The following DMXL1 variants were observed in gnomAD, a reference collection of about 807,000 sequenced individuals.
DMXL1 encodes the protein dmX-like protein 1.
A neutral mutation model predicts 319.2 loss-of-function variants in DMXL1; 99 were observed. The observed-to-expected ratio is 0.31, with a 90% confidence interval of 0.26 to 0.37. The LOEUF (loss-of-function observed/expected upper bound fraction) is 0.37. Among genes scored for constraint, DMXL1 ranks in the 10% least tolerant of loss-of-function variants. DMXL1 has a pLI of 1.00. For synonymous variants in DMXL1, 1,385 were observed against 1,235.2 expected, an observed-to-expected ratio of 1.12 and a Z score of -2.54; for missense variants, 3,745 against 3,595.6, an observed-to-expected ratio of 1.04 and a Z score of -1.06.
Position 119,233,760 on chromosome 5 carries a change from C to T in DMXL1, c.8466+293C>T, listed in dbSNP as rs79521079. Among the ~76,000 whole-genome samples, 10 of 152,226 alleles carry T rather than the reference C, an allele frequency of 6.6e-5. No individual in the cohort carries two copies. In the East Asian group the frequency reaches 1.3e-3, roughly 21 times the overall value. ...AAATGCTCCTACTCTCTTTATCCCT[C>T]GGAACCTACTCAGTGTGTGATCCAG... On this transcript the variant is annotated intron_variant, in intron 39 of 43. Transcript: ENST00000539542.
chr5:119,149,021 C>A lies in DMXL1; in HGVS notation c.3194C>A (p.Ala1065Glu), dbSNP rs1410435083. 1 of 1,613,878 alleles carries A rather than the reference C, an allele frequency of 6.2e-7. No individual in the cohort carries two copies. The highest frequency in any genetic ancestry group is 1.1e-5 in the South Asian group (1 of 91,080). Residue 1065 changes from alanine to glutamate, a missense_variant, in exon 18 of 44, where the codon GCA becomes GAA. Coordinates refer to ENST00000539542, the MANE Select transcript of DMXL1 (RefSeq NM_001290321.3). ...NRLAVAYKQPASNSRSSQDFV... is the reference protein window; with the variant it reads ...NRLAVAYKQPESNSRSSQDFV... The stretch of plus-strand genomic sequence containing the variant: ...TTAGCAGTAGCTTATAAGCAGCCTG[C>A]ATCTAATAGTAGATCTTCCCAGGAC...
chr5:119,101,853 T>C (rs1757349297), intron 2 of DMXL1, 82 bp from the exon 3 acceptor site: 1 of 879,754 alleles, frequency 1.1e-6, no homozygotes, highest in African/African-American at 1.7e-5. Context: ...ATATTTAAAG[T>C]TATAGTATTC....
intron 1 of DMXL1, among the ~76,000 whole-genome samples, chr5:119,080,854 A>G (rs187667425): frequency 6.6e-6 from 1 of 152,268 alleles, no homozygotes; most frequent in East Asian, 1.9e-4. Flanking sequence ...CCATTTACAC[A>G]GTAAGAAACG....
At chr5:119,112,247 C>A (rs1759800520) in intron 5 of DMXL1, among the ~76,000 whole-genome samples, 1 of 152,248 alleles carries the variant, frequency 6.6e-6, no homozygotes, top group South Asian at 2.1e-4. Flanking sequence ...AGGCATGAGC[C>A]ACCGTGCCCG....
intron 6 of DMXL1, 130 bp from the exon 7 acceptor site, chr5:119,116,028 T>C: frequency 1.3e-6 from 1 of 778,714 alleles, no homozygotes; most frequent in Non-Finnish European, 2.0e-6. Context: ...TTTTCTTAAT[T>C]CCTCTGTGCT....
rs933560539 is a variant in DMXL1, at chr5:119,149,420, T to C, written c.3593T>C (p.Val1198Ala). 1.2e-6 allele frequency: 2 copies of C among 1,613,972 alleles called. No individual in the cohort carries two copies. The highest frequency in any genetic ancestry group is 2.2e-5 in the East Asian group (1 of 44,872). The stretch of plus-strand genomic sequence containing the variant: ...AAAGTTGTGCCCCTTTCTAAATTTG[T>C]ACTATTACGAAGTGTGGACCTAGTT... ...STKVVPLSKF[V>A]LLRSVDLVSS... The change falls in exon 18 of 44, where the codon GTA becomes GCA. Residue 1198 changes from valine to alanine, a missense_variant. Physicochemically the swap from Val to Ala is moderately conservative, Grantham distance 64. Coordinates refer to ENST00000539542, the MANE Select transcript of DMXL1 (RefSeq NM_001290321.3).
At chr5:119,244,603 T>C (rs1789412633) in intron 43 of DMXL1, 27 bp downstream of exon 43, 1 of 1,558,456 alleles carries the variant, frequency 6.4e-7, no homozygotes, top group Non-Finnish European at 8.8e-7. Flanking sequence ...CCACAACATC[T>C]ACAAAATGAA....
chr5:119,104,469 T>C (rs531782823), intron 3 of DMXL1, among the ~76,000 whole-genome samples: 1 of 152,338 alleles, frequency 6.6e-6, no homozygotes, highest in Admixed American at 6.5e-5. Context: ...AGGCTATTAT[T>C]TGTTGTACCA....
intron 28 of DMXL1, among the ~76,000 whole-genome samples, chr5:119,188,258 A>G (rs1463494786): frequency 6.6e-6 from 1 of 152,130 alleles, no homozygotes; most frequent in Non-Finnish European, 1.5e-5. Context: ...CTTGGTTCAC[A>G]TGCTTTTTAA....
At chr5:119,202,958 G>A (rs1403660001) in intron 32 of DMXL1, among the ~76,000 whole-genome samples, 1 of 143,920 alleles carries the variant, frequency 6.9e-6, no homozygotes, top group Non-Finnish European at 1.5e-5. Context: ...ATGCATATAA[G>A]ATGTATATGA....
intron 13 of DMXL1, among the ~76,000 whole-genome samples, chr5:119,140,770 T>C (rs971161305): frequency 7.9e-5 from 12 of 152,128 alleles, no homozygotes; most frequent in South Asian, 4.1e-4. Context: ...GCCAGCATTA[T>C]CCTGATACCA....
In DMXL1 at chr5:119,199,463, C is replaced by T. The variant is rs539933122; in HGVS notation, c.7745+1507C>T. Among the ~76,000 whole-genome samples, 10 of 152,326 alleles carry T rather than the reference C, an allele frequency of 6.6e-5. No homozygotes were observed. In the East Asian group the frequency reaches 1.2e-3, roughly 18 times the overall value. ...CTGTACCAGATTTTCTTTATCCAGTCTGTCACTGATGAGCGTTTAGGTTCC... is the reference window on the plus strand; with the variant it reads ...CTGTACCAGATTTTCTTTATCCAGTTTGTCACTGATGAGCGTTTAGGTTCC... On this transcript the variant is annotated intron_variant, in intron 32 of 43. Coordinates refer to ENST00000539542, the MANE Select transcript of DMXL1 (RefSeq NM_001290321.3).
intron 32 of DMXL1, among the ~76,000 whole-genome samples, chr5:119,199,079 G>T (rs139011434): frequency 6.6e-6 from 1 of 152,038 alleles, no homozygotes; most frequent in South Asian, 2.1e-4. Context: ...GTAGAGACAG[G>T]GTTTCACCTT....
At chr5:119,171,304 A>C (rs760396018) in intron 24 of DMXL1, 24 bp downstream of exon 24, 1 of 1,552,058 alleles carries the variant, frequency 6.4e-7, no homozygotes, top group South Asian at 1.2e-5. Context: ...TTGATAGTCA[A>C]AAATGGTACA....
chr5:119,232,617 A>G (rs776461909), intron 38 of DMXL1, among the ~76,000 whole-genome samples: 1 of 152,186 alleles, frequency 6.6e-6, no homozygotes, highest in Non-Finnish European at 1.5e-5. Context: ...TAAATTTCCT[A>G]GTATAACACA....
chr5:119,172,738 G>GT (rs985685043), intron 25 of DMXL1, among the ~76,000 whole-genome samples: 33 of 150,404 alleles, frequency 2.2e-4, no homozygotes, highest in African/African-American at 7.6e-4. Flanking sequence ...AGTGGTTTTT[G>GT]TTTTTTTTTA....
intron 28 of DMXL1, among the ~76,000 whole-genome samples, chr5:119,184,059 C>CTTTTTTTTTTTTTTTTTTT (rs1404022848): frequency 2.1e-5 from 3 of 140,414 alleles, no homozygotes; most frequent in African/African-American, 8.3e-5. Context: ...GTTTTCTTCT[C>CTTTTTTTTTTTTTTTTTTT]TTTTTTTTTT....
chr5:119,159,396 C>G (rs1331650199), intron 19 of DMXL1, among the ~76,000 whole-genome samples: 1 of 152,182 alleles, frequency 6.6e-6, no homozygotes. Flanking sequence ...CATGCCCGGC[C>G]TGATGGGAAA....
chr5:119,109,415 C>A (rs138037365), intron 4 of DMXL1, among the ~76,000 whole-genome samples: 1 of 152,118 alleles, frequency 6.6e-6, no homozygotes, highest in Non-Finnish European at 1.5e-5. Flanking sequence ...AATTTTGTAA[C>A]AACTCCCCCA....
Sources: allele counts gnomAD v4.1 joint callset (sites outside exome capture counted in the v4.1 genomes callset), GRCh38; gene constraint gnomAD v4.1.1; transcripts MANE v1.5; gene names NCBI Gene and HGNC (gene_info 2026-07-23, HGNC 2026-07-21).